TASOR2: variants seen among roughly 807,000 people sequenced by gnomAD.
TASOR2 encodes transcription activation suppressor family member 2, also known as protein TASOR 2.
A neutral mutation model predicts 199.5 loss-of-function variants in TASOR2; 84 were observed. The observed-to-expected ratio is 0.42, with a 90% CI of 0.35 to 0.50. TASOR2 has a LOEUF of 0.50. Among genes scored for constraint, TASOR2 ranks in the 20% least tolerant of loss-of-function variants. TASOR2 has a pLI of 0.02. For missense variants in TASOR2, 2,796 were observed against 2,835.9 expected, an observed-to-expected ratio of 0.99 and a Z score of 0.32; for synonymous variants, 1,103 against 1,046.6, an observed-to-expected ratio of 1.05 and a Z score of -1.04.
At chr10:5,739,290 G>A (rs1836046643) in intron 12 of TASOR2, among the ~76,000 whole-genome samples, 2 of 152,054 alleles carry the variant, frequency 1.3e-5, no homozygotes, top group South Asian at 4.1e-4. Context: ...TATGTCTTCT[G>A]TGTAGATCAG....
chr10:5,693,820 A>C (rs1836791053), intron 1 of TASOR2, among the ~76,000 whole-genome samples: 1 of 152,256 alleles, frequency 6.6e-6, no homozygotes, highest in Non-Finnish European at 1.5e-5. Context: ...AGATAACTTC[A>C]TAGAATATTT....
At chr10:5,756,851 T>C in intron 16 of TASOR2, 113 bp downstream of exon 17, 2 of 1,177,548 alleles carry the variant, frequency 1.7e-6, no homozygotes, top group South Asian at 1.6e-5. Flanking sequence ...GACATTACTG[T>C]TGGGCCTTTA....
At chr10:5,727,273 C>A in intron 10 of TASOR2, 150 bp downstream of exon 11, 1 of 765,682 alleles carries the variant, frequency 1.3e-6, no homozygotes, top group South Asian at 1.7e-5. Context: ...CCTTCTTGAC[C>A]TCCCTTGTAG....
chr10:5,725,674 C>T (rs948096072), intron 8 of TASOR2, among the ~76,000 whole-genome samples: 8 of 151,996 alleles, frequency 5.3e-5, no homozygotes, highest in African/African-American at 1.5e-4. Context: ...CTGGCTACTC[C>T]GAAGGCTGAG....
At chr10:5,743,515 G>C (rs1836723223) in intron 14 of TASOR2, among the ~76,000 whole-genome samples, 1 of 152,120 alleles carries the variant, frequency 6.6e-6, no homozygotes, top group Admixed American at 6.5e-5. Flanking sequence ...AAGTCACATA[G>C]AAAATTGTCA....
intron 10 of TASOR2, among the ~76,000 whole-genome samples, chr10:5,727,694 C>G (rs1169023705): frequency 6.6e-6 from 1 of 152,164 alleles, no homozygotes; most frequent in African/African-American, 2.4e-5. Flanking sequence ...TTGAGAAACA[C>G]TAATCTAGCT....
chr10:5,731,540 G>A (rs1007308396), intron 11 of TASOR2, among the ~76,000 whole-genome samples: 1 of 152,164 alleles, frequency 6.6e-6, no homozygotes, highest in African/African-American at 2.4e-5. Context: ...AATAATAATA[G>A]TTGTTGTATT....
In TASOR2 at chr10:5,740,617, C is replaced by T. The variant is rs945367274; in HGVS notation, c.2327+120C>T. The T allele has an allele frequency of 9.3e-7, 1 of 1,074,884 alleles. No individual in the cohort carries two copies. The highest frequency in any genetic ancestry group is 1.3e-6 in the Non-Finnish European group (1 of 760,242). The allele number at this position is 1,074,884 out of a possible 1,614,324, so 66.6% of individuals were successfully genotyped here. On this transcript the variant is annotated intron_variant, in intron 13 of 20. Transcript: ENST00000328090. This position sits in a 1 kb window ranked among gnomAD's most constrained non-coding sequence, Gnocchi z 5.3. Reference sequence around the variant, plus strand: ...GAGAAAGAAGTGTTGTGTTTAAAACCAGTAATTTGATAATAACATCAAGCA... The same window carrying T: ...GAGAAAGAAGTGTTGTGTTTAAAACTAGTAATTTGATAATAACATCAAGCA...
Position 5,763,018 on chromosome 10 carries a change from T to G in TASOR2, c.7290-11T>G. 6.2e-7 allele frequency: 1 copy of G among 1,611,240 alleles called. No individual in the cohort carries two copies. Among genetic ancestry groups the G allele is most frequent in the Non-Finnish European group, 8.5e-7 (1 of 1,178,638 alleles). On this transcript the variant is annotated splice_polypyrimidine_tract_variant and intron_variant, in intron 20 of 20. Coordinates refer to ENST00000328090, the Ensembl canonical transcript of TASOR2. ...TTTAAGAAGTTCTTTATCAATTTTG[T>G]GTTTCTTCAGGTGACTCAACTACAG... is the stretch of plus-strand genomic sequence containing the variant.
rs1487727015 is a variant in TASOR2, at chr10:5,738,553, TG to T, written c.1448-1062del. 6.6e-6 allele frequency among the ~76,000 whole-genome samples: 1 copy of T among 152,242 alleles called. No individual in the cohort carries two copies. Among genetic ancestry groups the T allele is most frequent in the Admixed American group, 6.5e-5 (1 of 15,284 alleles). ...TGAGTTTGCTGTTTTAAATAAAAAC[TG>T]GGCAGTCGTTGATCAGTTTAACCCT... On this transcript the variant is annotated intron_variant, in intron 12 of 20. Transcript: ENST00000328090. The surrounding 1 kb of genome is among the most constrained non-coding windows in gnomAD (Gnocchi z 4.7).
At chr10:5,760,025 A>G (rs541224164) in intron 18 of TASOR2, among the ~76,000 whole-genome samples, 3 of 152,382 alleles carry the variant, frequency 2.0e-5, no homozygotes, top group African/African-American at 7.2e-5. Context: ...GGCTTTGGGT[A>G]GAGAAAGTCA....
Position 5,722,578 on chromosome 10 carries a change from G to T in TASOR2, c.147-1099G>T, listed in dbSNP as rs895825299. Among the ~76,000 whole-genome samples, 4 of 152,158 alleles carry T rather than the reference G, an allele frequency of 2.6e-5. No individual in the cohort carries two copies. The highest frequency in any genetic ancestry group is 4.4e-5 in the Non-Finnish European group (3 of 68,022). ...CAGAAAAAAATAATGCGTGTGTATAGAGAGAGAGAATGACAAAGCAAACAT... is the reference window on the plus strand; with the variant it reads ...CAGAAAAAAATAATGCGTGTGTATATAGAGAGAGAATGACAAAGCAAACAT... On this transcript the variant is annotated intron_variant, in intron 6 of 20. Coordinates refer to ENST00000328090, the Ensembl canonical transcript of TASOR2. This position sits in a 1 kb window ranked among gnomAD's most constrained non-coding sequence, Gnocchi z 4.0.
rs1835943949 is a variant in TASOR2 at position 5,738,607 on chromosome 10, G to T, written c.1448-1011G>T. ...CCCCATGTATGTGCATGCCCTTGTCGTTCTAATTGATGACATCATAGGCTG... is the reference window on the plus strand; with the variant it reads ...CCCCATGTATGTGCATGCCCTTGTCTTTCTAATTGATGACATCATAGGCTG... On this transcript the variant is annotated intron_variant, in intron 12 of 20. Transcript: ENST00000328090. The surrounding 1 kb of genome is among the most constrained non-coding windows in gnomAD (Gnocchi z 4.7). Among the ~76,000 whole-genome samples the T allele has an allele frequency of 6.6e-6, 1 of 152,108 alleles. No homozygotes were observed. Among genetic ancestry groups the T allele is most frequent in the Non-Finnish European group, 1.5e-5 (1 of 68,010 alleles).
intron 14 of TASOR2, chr10:5,743,847 G>A (rs551785053): frequency 3.3e-5 from 5 of 152,226 alleles, no homozygotes; most frequent in African/African-American, 9.6e-5. Context: ...ATGTACTTAC[G>A]TAGGCTTTTG....
chr10:5,707,032 T>C (rs1220109651), intron 1 of TASOR2, among the ~76,000 whole-genome samples: 1 of 149,670 alleles, frequency 6.7e-6, no homozygotes, highest in African/African-American at 2.5e-5. Flanking sequence ...ACCCAACAAA[T>C]GTTAGCCATT....
chr10:5,689,354 C>T lies in TASOR2; in HGVS notation c.-288+4179C>T, dbSNP rs550583485. Reference sequence around the variant, plus strand: ...CGGTGGCTCACGCCTGTAATCCCAGCACTTTGGGTGGCCGAGGTGGGCGGA... The same window carrying T: ...CGGTGGCTCACGCCTGTAATCCCAGTACTTTGGGTGGCCGAGGTGGGCGGA... On this transcript the variant is annotated intron_variant, in intron 1 of 20. Transcript: ENST00000328090. This position sits in a 1 kb window ranked among gnomAD's most constrained non-coding sequence, Gnocchi z 4.1. Among the ~76,000 whole-genome samples, 1 of 152,302 alleles carries T rather than the reference C, an allele frequency of 6.6e-6. No individual in the cohort carries two copies. Among genetic ancestry groups the T allele is most frequent in the South Asian group, 2.1e-4 (1 of 4,830 alleles).
chr10:5,741,798 G>A (rs1341059485), intron 13 of TASOR2, among the ~76,000 whole-genome samples: 1 of 152,150 alleles, frequency 6.6e-6, no homozygotes, highest in Non-Finnish European at 1.5e-5. Context: ...GAATTTGTAT[G>A]GTGTAAAAGA....
chr10:5,750,687 C>T lies in TASOR2; in HGVS notation c.6606+660C>T, dbSNP rs574011087. 2.0e-5 allele frequency among the ~76,000 whole-genome samples: 3 copies of T among 152,202 alleles called. No homozygotes were observed. The South Asian group carries it at 6.2e-4, about 32-fold the overall frequency. On this transcript the variant is annotated intron_variant, in intron 15 of 20. Coordinates refer to ENST00000328090, the Ensembl canonical transcript of TASOR2. The surrounding 1 kb of genome is among the most constrained non-coding windows in gnomAD (Gnocchi z 5.4). The stretch of plus-strand genomic sequence containing the variant: ...AAATAGTACCCTTTACCCAGATACC[C>T]CAATATTAACATTTCTGAACCATTT...
In TASOR2 at chr10:5,742,279, A is replaced by G; in HGVS notation, c.2510A>G (p.Glu837Gly). ...ACGTTAGAATCTTGTGAGCTCCGTG[A>G]AATTGAGGAGTCCCTTGGTTTGGAA... Residue 837 changes from glutamate to glycine, a missense_variant, in exon 14 of 21, where the codon GAA becomes GGA. By Grantham distance (98) the Glu-to-Gly change is moderately conservative. This residue lies in a region of TASOR2 where 1,941 missense variants were observed against 1,924.9 expected (regional missense o/e 1.01). Transcript: ENST00000328090. This position sits in a 1 kb window ranked among gnomAD's most constrained non-coding sequence, Gnocchi z 4.2. 1 of 1,614,216 alleles carries G rather than the reference A, an allele frequency of 6.2e-7. No individual in the cohort carries two copies. The highest frequency in any genetic ancestry group is 1.3e-5 in the African/African-American group (1 of 75,066).
Sources: allele counts gnomAD v4.1 joint callset (sites outside exome capture counted in the v4.1 genomes callset), GRCh38; gene constraint gnomAD v4.1.1; regional missense constraint gnomAD v4.1.1; non-coding constraint Gnocchi (gnomAD v3.1); transcripts MANE v1.5; gene names NCBI Gene and HGNC (gene_info 2026-07-23, HGNC 2026-07-21).